The following WNK2 variants were observed in gnomAD, a reference collection of about 807,000 sequenced individuals.
WNK2 encodes serine/threonine-protein kinase WNK2.
WNK2 carries 67 observed loss-of-function variants against 192.1 expected under a neutral mutation model. The ratio of observed to expected loss-of-function variants is 0.35; its 90% confidence interval spans 0.29 to 0.43. The LOEUF is 0.43. Ranked by LOEUF, WNK2 falls within the 20% of genes least tolerant of loss-of-function variation. The probability of loss-of-function intolerance (pLI) is 1.00; values close to 1 mark genes in which losing one functional copy is unlikely to be tolerated. For missense variants in WNK2, 2,698 were observed against 3,089.7 expected, an observed-to-expected ratio of 0.87 and a Z score of 3.01; for synonymous variants, 1,439 against 1,393.9, an observed-to-expected ratio of 1.03 and a Z score of -0.72.
chr9:93,292,712 G>A lies in WNK2; in HGVS notation c.5247G>A (p.Ser1749=), dbSNP rs756138545. ...SSPAKTVGRF[S]VVSTQDEWTL... ...CAGCCAAGACTGTGGGCCGTTTCTCGGTGGTCAGCACTCAGGACGAGTGGA... is the reference window on the plus strand; with the variant it reads ...CAGCCAAGACTGTGGGCCGTTTCTCAGTGGTCAGCACTCAGGACGAGTGGA... The change falls in exon 23 of 30, where the codon TCG becomes TCA. Residue 1749 remains serine (S), a synonymous_variant. Transcript: ENST00000427277. 51 of 1,566,124 alleles carry A rather than the reference G, an allele frequency of 3.3e-5. No individual in the cohort carries two copies. The highest frequency in any genetic ancestry group is 4.0e-5 in the Non-Finnish European group (46 of 1,156,604).
chr9:93,306,559 C>T (rs1852581696), intron 26 of WNK2: 1 of 591,542 alleles, frequency 1.7e-6, no homozygotes, highest in Non-Finnish European at 3.0e-6. Flanking sequence ...GGGCTTGGCC[C>T]TGGCACCTCT....
chr9:93,258,909 C>T (rs749531635), intron 11 of WNK2, 22 bp from the exon 12 acceptor site: 1 of 1,595,718 alleles, frequency 6.3e-7, no homozygotes, highest in South Asian at 1.1e-5. Flanking sequence ...CCCACACTGA[C>T]ACACTCCTGT....
At chr9:93,219,920 C>A (rs758457128) in intron 2 of WNK2, among the ~76,000 whole-genome samples, 3 of 152,238 alleles carry the variant, frequency 2.0e-5, no homozygotes, top group Non-Finnish European at 4.4e-5. Context: ...CAGGCGCATC[C>A]AGGCCCCACC....
chr9:93,308,034 C>T (rs771392290), intron 27 of WNK2: 6 of 451,656 alleles, frequency 1.3e-5, no homozygotes, highest in African/African-American at 6.0e-5. Flanking sequence ...GGATGGGCAG[C>T]GGTGGGCACA....
At chr9:93,209,013 A>AT (rs1382322498) in intron 2 of WNK2, among the ~76,000 whole-genome samples, 7 of 152,040 alleles carry the variant, frequency 4.6e-5, no homozygotes, top group Non-Finnish European at 1.0e-4. Context: ...CATTGTTGAG[A>AT]TTTTCCTTTA....
chr9:93,240,974 C>T (rs1455932393), intron 7 of WNK2, among the ~76,000 whole-genome samples: 1 of 152,164 alleles, frequency 6.6e-6, no homozygotes, highest in East Asian at 1.9e-4. Context: ...CACTGCTGCC[C>T]TGGGCCGGGG....
Position 93,292,414 on chromosome 9 carries a change from AC to A in WNK2, c.5025+23del, listed in dbSNP as rs1404889241. The A allele has an allele frequency of 5.0e-6, 8 of 1,613,410 alleles. No homozygotes were observed. The highest frequency in any genetic ancestry group is 5.9e-6 in the Non-Finnish European group (7 of 1,179,760). On this transcript the variant is annotated intron_variant, in intron 22 of 29. Coordinates refer to ENST00000427277, the MANE Select transcript of WNK2 (RefSeq NM_006648.4). The stretch of plus-strand genomic sequence containing the variant: ...TCCCCCAGGTAAGGGCGACTTGACG[AC>A]CCCCTGGCTGGTTGGCAGGGTTTGC...
Position 93,262,046 on chromosome 9 carries a change from G to A in WNK2, c.3299G>A (p.Gly1100Asp), listed in dbSNP as rs1020572158. Residue 1100 changes from glycine (G) to aspartate (D), a missense_variant, in exon 13 of 30, where the codon GGC becomes GAC. By Grantham distance (94) the Gly-to-Asp change is moderately conservative (BLOSUM62 -1). Around this residue, in one of 7 missense-constraint regions of WNK2, gnomAD observed 893 missense variants for 909.0 expected, o/e 0.98. Coordinates refer to ENST00000427277, the MANE Select transcript of WNK2 (RefSeq NM_006648.4). ...CCACCAGCAAACCCACCGCTGCCTG[G>A]CGGGCCCGGGATCGCCAGCCCTTGC... ...LLPPANPPLP[G>D]GPGIASPCPT... The A allele has an allele frequency of 2.5e-6, 4 of 1,610,226 alleles. No homozygotes were observed. Among genetic ancestry groups the A allele is most frequent in the African/African-American group, 2.7e-5 (2 of 75,018 alleles).
intron 2 of WNK2, among the ~76,000 whole-genome samples, chr9:93,192,762 C>A (rs1222125228): frequency 6.6e-6 from 1 of 152,228 alleles, no homozygotes; most frequent in African/African-American, 2.4e-5. Flanking sequence ...ACTGTCCCTT[C>A]CCTTGGGAGT....
chr9:93,277,497 TG>T (rs1315901273), intron 19 of WNK2, among the ~76,000 whole-genome samples: 1 of 152,186 alleles, frequency 6.6e-6, no homozygotes, highest in Non-Finnish European at 1.5e-5. Flanking sequence ...ATAAAAACTA[TG>T]GTACTTTGAA....
intron 29 of WNK2, among the ~76,000 whole-genome samples, chr9:93,320,019 G>C (rs1012759770): frequency 6.6e-6 from 1 of 152,182 alleles, no homozygotes; most frequent in Non-Finnish European, 1.5e-5. Context: ...GCCAGCCTTC[G>C]AGCTTCTGCA....
chr9:93,201,121 C>T (rs1256554403), intron 2 of WNK2, among the ~76,000 whole-genome samples: 2 of 152,180 alleles, frequency 1.3e-5, no homozygotes, highest in African/African-American at 4.8e-5. Flanking sequence ...TACCACCCAT[C>T]CTTTCCATCC....
chr9:93,261,843 T>G lies in WNK2; in HGVS notation c.3096T>G (p.Ala1032=). ...TGCTTGGCCACCCAGCTCCCTATGC[T>G]GTGGACGTCGCCGCTCAGGTCCCCA... ...QILLGHPAPY[A]VDVAAQVPTV... The change falls in exon 13 of 30, where the codon GCT becomes GCG. Residue 1032 remains alanine, a synonymous_variant. Coordinates refer to ENST00000427277, the MANE Select transcript of WNK2 (RefSeq NM_006648.4). The G allele has an allele frequency of 6.3e-7, 1 of 1,597,620 alleles. No individual in the cohort carries two copies.
At chr9:93,199,056 C>T (rs933473433) in intron 2 of WNK2, among the ~76,000 whole-genome samples, 4 of 152,214 alleles carry the variant, frequency 2.6e-5, no homozygotes, top group African/African-American at 9.6e-5. Context: ...TCCCACACAC[C>T]CTGCATGCCT....
chr9:93,277,030 G>A (rs1473290003), intron 19 of WNK2, among the ~76,000 whole-genome samples: 5 of 149,430 alleles, frequency 3.3e-5, no homozygotes, highest in South Asian at 4.3e-4. Context: ...GCTAGACTCC[G>A]TCTCAAAAAA....
chr9:93,283,879 C>T (rs1450188128), intron 19 of WNK2, among the ~76,000 whole-genome samples: 4 of 152,128 alleles, frequency 2.6e-5, no homozygotes, highest in Non-Finnish European at 5.9e-5. Context: ...TTTGGAGTGC[C>T]ACTACCCAAC....
At position 93,239,770 on chromosome 9, in the gene WNK2, G is replaced by A. The variant is rs1840445345; in HGVS notation, c.1336G>A (p.Asp446Asn). 1 of 1,556,198 alleles carries A rather than the reference G, an allele frequency of 6.4e-7. No individual in the cohort carries two copies. The highest frequency in any genetic ancestry group is 1.9e-5 in the Admixed American group (1 of 51,446). ...CTCTCCCTCCAGGTACGAGATCAAAGACCTGCTGAGCCACGCCTTCTTCGC... is the reference window on the plus strand; with the variant it reads ...CTCTCCCTCCAGGTACGAGATCAAAAACCTGCTGAGCCACGCCTTCTTCGC... The part of the protein sequence containing the change: ...KNKEERYEIK[D>N]LLSHAFFAED... Residue 446 changes from aspartate (D) to asparagine (N), a missense_variant, in exon 7 of 30, where the codon GAC becomes AAC. Coordinates refer to ENST00000427277, the MANE Select transcript of WNK2 (RefSeq NM_006648.4). This position sits in a 1 kb window ranked among gnomAD's most constrained non-coding sequence, Gnocchi z 4.2.
intron 28 of WNK2, among the ~76,000 whole-genome samples, chr9:93,311,782 G>A (rs937328025): frequency 3.3e-5 from 5 of 152,048 alleles, no homozygotes; most frequent in African/African-American, 9.7e-5. Context: ...ACCACGGCCA[G>A]CTAATTTTTG....
At position 93,252,874 on chromosome 9, in the gene WNK2, C is replaced by G; in HGVS notation, c.1835-9C>G. On this transcript the variant is annotated splice_polypyrimidine_tract_variant and intron_variant, in intron 8 of 29. Transcript: ENST00000427277. ...TGTCCACTCTAAGTCCTGCTTTTGT[C>G]CTCCCCAGCGGACAGCACCTTCGAC... The G allele has an allele frequency of 4.9e-6, 7 of 1,432,508 alleles. No individual in the cohort carries two copies. Among genetic ancestry groups the G allele is most frequent in the African/African-American group, 1.4e-5 (1 of 69,036 alleles). The allele number at this position is 1,432,508 out of a possible 1,614,324, so 88.7% of individuals were successfully genotyped here.
Sources: gnomAD v4.1 joint callset for allele counts (sites outside exome capture counted in the v4.1 genomes callset) on GRCh38, gnomAD v4.1.1 for gene constraint, gnomAD v4.1.1 regional missense constraint, Gnocchi (gnomAD v3.1) non-coding constraint, MANE v1.5 for transcripts, NCBI Gene and HGNC (gene_info 2026-07-23, HGNC 2026-07-21) for gene names.